The following RPTOR variants were observed in gnomAD, a reference collection of about 807,000 sequenced individuals.
The protein encoded by RPTOR is regulatory-associated protein of mTOR.
A neutral mutation model predicts 169.9 loss-of-function variants in RPTOR; 21 were observed. The ratio of observed to expected loss-of-function variants is 0.12; its 90% CI spans 0.09 to 0.18. RPTOR has a LOEUF of 0.18. RPTOR is among the 10% of genes least tolerant of loss of function. The pLI is 1.00. For synonymous variants in RPTOR, 732 were observed against 753.2 expected (o/e 0.97, Z 0.46); for missense variants, 1,133 against 1,855.9 (o/e 0.61, Z 7.16).
intron 3 of RPTOR, among the ~76,000 whole-genome samples, chr17:80,700,864 G>C (rs183789618): frequency 2.6e-5 from 4 of 151,790 alleles, no homozygotes; most frequent in Non-Finnish European, 2.9e-5. Flanking sequence ...TGGTGGTAGT[G>C]GTGGTTTGGT....
intron 10 of RPTOR, among the ~76,000 whole-genome samples, chr17:80,841,377 T>TCTCTGCACCGCAGCTCA: frequency 8.8e-6 from 1 of 113,672 alleles, no homozygotes; most frequent in Non-Finnish European, 1.8e-5. Flanking sequence ...CAGCTCACAC[T>TCTCTGCACCGCAGCTCA]CACCGCACGG....
chr17:80,823,378 A>G lies in RPTOR; in HGVS notation c.1136+155A>G. 2.2e-6 allele frequency: 2 copies of G among 924,570 alleles called. No individual in the cohort carries two copies. Among genetic ancestry groups the G allele is most frequent in the Non-Finnish European group, 3.2e-6 (2 of 632,528 alleles). 57.3% of individuals were successfully genotyped at this position (924,570 alleles called of 1,614,324 possible). ...GTGAAGCTAAATGCAGGGCTCCCAGAGATCTCCACACAGAGGAGTGGGGGT... is the reference window on the plus strand; with the variant it reads ...GTGAAGCTAAATGCAGGGCTCCCAGGGATCTCCACACAGAGGAGTGGGGGT... On this transcript the variant is annotated intron_variant, in intron 9 of 33. Transcript: ENST00000306801. This position sits in a 1 kb window ranked among gnomAD's most constrained non-coding sequence, Gnocchi z 4.5.
At chr17:80,953,046 G>A (rs978546307) in intron 28 of RPTOR, among the ~76,000 whole-genome samples, 2 of 151,784 alleles carry the variant, frequency 1.3e-5, no homozygotes, top group African/African-American at 4.8e-5. Context: ...TGTATTTTTA[G>A]TAGAGATGGG....
At chr17:80,744,135 A>G (rs1205147378) in intron 5 of RPTOR, among the ~76,000 whole-genome samples, 3 of 96,216 alleles carry the variant, frequency 3.1e-5, no homozygotes, top group Admixed American at 9.1e-5. Flanking sequence ...AGCCCTGGCT[A>G]CTAGCACTAT....
chr17:80,874,189 G>C (rs2068081021), intron 13 of RPTOR, among the ~76,000 whole-genome samples: 1 of 150,424 alleles, frequency 6.6e-6, no homozygotes, highest in Non-Finnish European at 1.5e-5. Context: ...TGTCTGGCCT[G>C]AGAATAACTA....
intron 3 of RPTOR, among the ~76,000 whole-genome samples, chr17:80,653,043 C>T (rs1441441711): frequency 6.6e-6 from 1 of 152,158 alleles, no homozygotes; most frequent in Non-Finnish European, 1.5e-5. Flanking sequence ...TTGGAGGAGT[C>T]TCTATTCAAG....
At chr17:80,760,700 G>A (rs1203761964) in intron 6 of RPTOR, among the ~76,000 whole-genome samples, 1 of 152,170 alleles carries the variant, frequency 6.6e-6, no homozygotes, top group Admixed American at 6.5e-5. Context: ...CTAGGATTGG[G>A]CTGCAGATGA....
rs1361814720 is a variant in RPTOR, at chr17:80,959,414, G to A, written c.3478-664G>A. On this transcript the variant is annotated intron_variant, in intron 29 of 33. Coordinates refer to ENST00000306801, the MANE Select transcript of RPTOR (RefSeq NM_020761.3). This position sits in a 1 kb window ranked among gnomAD's most constrained non-coding sequence, Gnocchi z 6.7. ...AGCGCAGCAGGTGCTCCCAGAGCCGGCTCTGCCCCTCGCAGGGGTCTGGCC... is the reference window on the plus strand; with the variant it reads ...AGCGCAGCAGGTGCTCCCAGAGCCGACTCTGCCCCTCGCAGGGGTCTGGCC... Among the ~76,000 whole-genome samples the A allele has an allele frequency of 6.6e-6, 1 of 152,304 alleles. No individual in the cohort carries two copies. The highest frequency in any genetic ancestry group is 1.9e-4 in the East Asian group (1 of 5,170).
chr17:80,684,399 T>A (rs9913708), intron 3 of RPTOR, among the ~76,000 whole-genome samples: 13,479 of 144,396 alleles, frequency 0.093, 687 homozygotes, highest in African/African-American at 0.14. Flanking sequence ...AATAAGGAGA[T>A]ACATGTTTAT....
At chr17:80,790,141 C>A (rs2067032543) in intron 6 of RPTOR, among the ~76,000 whole-genome samples, 1 of 152,184 alleles carries the variant, frequency 6.6e-6, no homozygotes, top group South Asian at 2.1e-4. Context: ...GCAGAGGAGA[C>A]CACTCAGAGT....
At chr17:80,884,121 G>A in intron 16 of RPTOR, 149 bp downstream of exon 16, 1 of 809,562 alleles carries the variant, frequency 1.2e-6, no homozygotes, top group East Asian at 2.7e-5. Flanking sequence ...TGGGACCTTG[G>A]TGAGAAGAGA....
chr17:80,679,470 C>T (rs915076332), intron 3 of RPTOR, among the ~76,000 whole-genome samples: 12 of 152,164 alleles, frequency 7.9e-5, no homozygotes, highest in Non-Finnish European at 1.6e-4. Flanking sequence ...GTTTTCGTTT[C>T]CTTTTTACTC....
intron 21 of RPTOR, among the ~76,000 whole-genome samples, chr17:80,920,371 G>T (rs943394292): frequency 6.6e-6 from 1 of 152,196 alleles, no homozygotes; most frequent in Non-Finnish European, 1.5e-5. Flanking sequence ...GGGTGGGGGG[G>T]GCTCCTGATC....
intron 3 of RPTOR, among the ~76,000 whole-genome samples, chr17:80,692,985 A>G (rs956382083): frequency 2.6e-5 from 4 of 152,382 alleles, no homozygotes; most frequent in South Asian, 2.1e-4. Context: ...GTACATTTAT[A>G]TACGCACACA....
intron 1 of RPTOR, among the ~76,000 whole-genome samples, chr17:80,566,202 G>C (rs749259511): frequency 2.6e-5 from 4 of 152,154 alleles, no homozygotes; most frequent in Non-Finnish European, 2.9e-5. Context: ...GATTAAGCAG[G>C]ATAATATTGA....
At chr17:80,780,886 G>A (rs1598299980) in intron 6 of RPTOR, among the ~76,000 whole-genome samples, 3 of 152,224 alleles carry the variant, frequency 2.0e-5, no homozygotes, top group African/African-American at 7.2e-5. Context: ...GTTTGAGTCA[G>A]TGCATTGAGC....
In RPTOR at chr17:80,890,921, C is replaced by T. The variant is rs145592017; in HGVS notation, c.1984-799C>T. Reference sequence around the variant, plus strand: ...AGCCGCTGTGGAGACAGGGGCGTCACGCGACTAGCAAGGGGTCCTCTCACA... The same window carrying T: ...AGCCGCTGTGGAGACAGGGGCGTCATGCGACTAGCAAGGGGTCCTCTCACA... On this transcript the variant is annotated intron_variant, in intron 17 of 33. Transcript: ENST00000306801. 9.2e-5 allele frequency among the ~76,000 whole-genome samples: 14 copies of T among 152,156 alleles called. No homozygotes were observed. The East Asian group carries it at 1.9e-3, about 21-fold the overall frequency.
intron 11 of RPTOR, among the ~76,000 whole-genome samples, chr17:80,848,126 G>A (rs1484114870): frequency 2.6e-5 from 4 of 152,286 alleles, no homozygotes; most frequent in South Asian, 2.1e-4. Flanking sequence ...GCCTGTCCTC[G>A]CCGGCATTGT....
intron 25 of RPTOR, among the ~76,000 whole-genome samples, chr17:80,945,060 G>A (rs998657605): frequency 6.6e-6 from 1 of 151,842 alleles, no homozygotes; most frequent in Non-Finnish European, 1.5e-5. Flanking sequence ...TGAGGAGGCC[G>A]AGGCGGGAGG....
Sources: allele counts gnomAD v4.1 joint callset (sites outside exome capture counted in the v4.1 genomes callset), GRCh38; gene constraint gnomAD v4.1.1; non-coding constraint Gnocchi (gnomAD v3.1); transcripts MANE v1.5; gene names NCBI Gene and HGNC (gene_info 2026-07-23, HGNC 2026-07-21).